Variants in JMY observed in about 807,000 individuals in gnomAD.
JMY encodes the protein junction mediating and regulatory protein, p53 cofactor.
JMY carries 46 observed loss-of-function variants against 103.3 expected under a neutral mutation model. The observed-to-expected ratio is 0.45, with a 90% CI of 0.35 to 0.57. JMY has a LOEUF of 0.57. JMY is among the 20% of genes least tolerant of loss of function. The probability of loss-of-function intolerance (pLI) is 0.00; values close to 1 mark genes in which losing one functional copy is unlikely to be tolerated. For missense variants in JMY, 1,238 were observed against 1,255.2 expected (o/e 0.99, Z 0.21); for synonymous variants, 526 against 489.3 (o/e 1.07, Z -0.99).
Position 79,248,949 on chromosome 5 carries a change from G to A in JMY, c.1032+11267G>A, listed in dbSNP as rs984582840. 4.6e-5 allele frequency among the ~76,000 whole-genome samples: 7 copies of A among 152,062 alleles called. No individual in the cohort carries two copies. In the East Asian group the frequency reaches 1.3e-3, roughly 29 times the overall value. ...GACTTTTTAATTTTTATTTTGTAGA[G>A]AAGAGGTCTCACTGTGTCACCTAGG... On this transcript the variant is annotated intron_variant, in intron 1 of 10. Transcript: ENST00000396137.
intron 1 of JMY, among the ~76,000 whole-genome samples, chr5:79,243,232 A>G (rs1057300417): frequency 3.3e-5 from 5 of 152,136 alleles, no homozygotes; most frequent in Non-Finnish European, 7.3e-5. Context: ...TCCCAAGGAT[A>G]CCTTTGGGTC....
intron 2 of JMY, chr5:79,284,394 G>T: frequency 7.4e-7 from 1 of 1,351,714 alleles, no homozygotes. Context: ...GCATTTGTCT[G>T]CACCTCTCGG....
intron 4 of JMY, among the ~76,000 whole-genome samples, chr5:79,295,567 A>G (rs1746542652): frequency 6.6e-6 from 1 of 152,368 alleles, no homozygotes; most frequent in Admixed American, 6.5e-5. Flanking sequence ...AGAAGGGAAT[A>G]CAGAGAAGAA....
At position 79,300,296 on chromosome 5, in the gene JMY, A is replaced by T; in HGVS notation, c.1671A>T (p.Glu557Asp). 6.3e-7 allele frequency: 1 copy of T among 1,576,748 alleles called. No homozygotes were observed. The change falls in exon 5 of 11, where the codon GAA becomes GAT. Residue 557 changes from glutamate (E) to aspartate (D), a missense_variant. Physicochemically the swap from Glu to Asp is conservative, Grantham distance 45. Transcript: ENST00000396137. The stretch of plus-strand genomic sequence containing the variant: ...AGTTACTATTGACAGCGCAACTAGA[A>T]AGCATCAAAAGACTTATATCAGGTA... ...CEELLLTAQL[E>D]SIKRLISEKR...
rs750379372 is a variant in JMY, at chr5:79,306,460, T to C, written c.1967T>C (p.Leu656Pro). The C allele has an allele frequency of 6.9e-6, 11 of 1,601,688 alleles. No homozygotes were observed. The African/African-American group carries it at 1.5e-4, about 21-fold the overall frequency. Reference sequence around the variant, plus strand: ...TATAGAACCCATCACACAGTACAACTAGTAAGTTTGGATTCGAAGATTTTG... The same window carrying C: ...TATAGAACCCATCACACAGTACAACCAGTAAGTTTGGATTCGAAGATTTTG... ...DEYRTHHTVQ[L>P]KREKLHDEEE... The change falls in exon 7 of 11, where the codon CTA becomes CCA. Residue 656 changes from leucine (L) to proline (P), a missense_variant and splice_region_variant. By Grantham distance (98) the Leu-to-Pro change is moderately conservative (BLOSUM62 -3). Transcript: ENST00000396137.
rs970794246 is a variant in JMY, at chr5:79,314,131, T to A, written c.2065-126T>A. 7 of 1,451,278 alleles carry A rather than the reference T, an allele frequency of 4.8e-6. No homozygotes were observed. In the Admixed American group the frequency reaches 1.9e-4, roughly 38 times the overall value. 89.9% of individuals were successfully genotyped at this position (1,451,278 alleles called of 1,614,324 possible). ...GCCTCGGCCTCCCAAAGTGCTGGGA[T>A]TACAGGCGTGAGCCACCACACCCGG... On this transcript the variant is annotated intron_variant, in intron 8 of 10. Transcript: ENST00000396137.
At chr5:79,242,925 A>G (rs1294178322) in intron 1 of JMY, among the ~76,000 whole-genome samples, 3 of 152,062 alleles carry the variant, frequency 2.0e-5, no homozygotes, top group African/African-American at 2.4e-5. Flanking sequence ...CTGGGATTAC[A>G]CGTGCATGCA....
chr5:79,279,261 G>A (rs1746039304), intron 2 of JMY, among the ~76,000 whole-genome samples: 1 of 152,132 alleles, frequency 6.6e-6, no homozygotes. Flanking sequence ...TTTAACCTGG[G>A]AGGTGGAGGT....
chr5:79,270,552 A>G (rs990070861), intron 1 of JMY, among the ~76,000 whole-genome samples: 2 of 135,282 alleles, frequency 1.5e-5, no homozygotes, highest in Non-Finnish European at 1.6e-5. Flanking sequence ...TAAAATGTAT[A>G]TTTACATAAA....
At chr5:79,290,361 A>T in intron 3 of JMY, 90 bp downstream of exon 3, 1 of 889,866 alleles carries the variant, frequency 1.1e-6, no homozygotes, top group South Asian at 3.3e-5. Flanking sequence ...AGAAAAGTAT[A>T]TAAAGATCAC....
intron 1 of JMY, among the ~76,000 whole-genome samples, chr5:79,264,332 T>C (rs1309927104): frequency 6.6e-6 from 1 of 151,622 alleles, no homozygotes; most frequent in African/African-American, 2.4e-5. Flanking sequence ...AGCAATCCGC[T>C]GACCTCAGCC....
intron 1 of JMY, among the ~76,000 whole-genome samples, chr5:79,272,172 C>T (rs992837527): frequency 1.2e-4 from 18 of 150,718 alleles, no homozygotes; most frequent in African/African-American, 4.1e-4. Flanking sequence ...ATCTTACAGT[C>T]TATCTACTCT....
At chr5:79,320,341 GTCT>G (rs1747409632) in intron 10 of JMY, among the ~76,000 whole-genome samples, 1 of 150,156 alleles carries the variant, frequency 6.7e-6, no homozygotes. Flanking sequence ...TCCTGTGAGA[GTCT>G]TTTTTTTTTT....
intron 8 of JMY, 33 bp downstream of exon 8, chr5:79,312,531 CTTT>C (rs35852788): frequency 0.014 from 11,795 of 843,560 alleles, no homozygotes; most frequent in South Asian, 0.022. Flanking sequence ...TATTGTTTTT[CTTT>C]TTTTTTTTTT....
intron 1 of JMY, among the ~76,000 whole-genome samples, chr5:79,244,285 G>C (rs1042265310): frequency 1.3e-5 from 2 of 152,170 alleles, no homozygotes; most frequent in African/African-American, 4.8e-5. Context: ...ACAAGCATGA[G>C]CCACCACGCC....
chr5:79,280,951 C>T (rs957669567), intron 2 of JMY, among the ~76,000 whole-genome samples: 3 of 146,242 alleles, frequency 2.1e-5, no homozygotes, highest in African/African-American at 5.0e-5. Flanking sequence ...AAAAAAAAAG[C>T]AAGTATAATT....
At chr5:79,272,251 G>T (rs911271420) in intron 1 of JMY, among the ~76,000 whole-genome samples, 2 of 151,638 alleles carry the variant, frequency 1.3e-5, no homozygotes, top group African/African-American at 4.8e-5. Context: ...TTGTGTCTTT[G>T]TTTTCAATAT....
chr5:79,246,592 A>G (rs1298355845), intron 1 of JMY, among the ~76,000 whole-genome samples: 2 of 152,124 alleles, frequency 1.3e-5, no homozygotes, highest in Non-Finnish European at 2.9e-5. Context: ...ATTTAAAAAT[A>G]GGTATGTTGG....
intron 1 of JMY, among the ~76,000 whole-genome samples, chr5:79,247,656 A>G (rs746960056): frequency 1.4e-3 from 215 of 150,676 alleles, no homozygotes; most frequent in Non-Finnish European, 2.6e-3. Context: ...TTGTTTATTT[A>G]TTTATTTATT....
Sources: allele counts gnomAD v4.1 joint callset (sites outside exome capture counted in the v4.1 genomes callset), GRCh38; gene constraint gnomAD v4.1.1; transcripts MANE v1.5; gene names NCBI Gene and HGNC (gene_info 2026-07-23, HGNC 2026-07-21).